CPA6: variants seen among roughly 807,000 people sequenced by gnomAD.
CPA6 encodes the protein carboxypeptidase A6, also known as carboxypeptidase B.
CPA6 carries 58 observed loss-of-function variants against 63.3 expected under a neutral mutation model. The ratio of observed to expected loss-of-function variants is 0.92; its 90% CI spans 0.74 to 1.14. The LOEUF (loss-of-function observed/expected upper bound fraction) is 1.14, where lower values mean the gene tolerates loss of function less well. Ranked by LOEUF, CPA6 falls within the 50% of genes most tolerant of loss-of-function variation. The probability of loss-of-function intolerance (pLI) is 0.00; values close to 1 mark genes in which losing one functional copy is unlikely to be tolerated. For synonymous variants in CPA6, 185 were observed against 179.0 expected (o/e 1.03, Z -0.27); for missense variants, 565 against 526.6 (o/e 1.07, Z -0.71).
At chr8:67,536,193 C>T (rs564506371) in intron 2 of CPA6, among the ~76,000 whole-genome samples, 1 of 152,094 alleles carries the variant, frequency 6.6e-6, no homozygotes, top group Non-Finnish European at 1.5e-5. Context: ...TTTTTTGGTT[C>T]CATATGAAAT....
intron 2 of CPA6, among the ~76,000 whole-genome samples, chr8:67,612,700 A>G (rs977130733): frequency 3.9e-5 from 6 of 152,222 alleles, no homozygotes; most frequent in Non-Finnish European, 8.8e-5. Flanking sequence ...AAAATGGTAG[A>G]AAACAGGAAA....
At chr8:67,502,623 C>T (rs1485697473) in intron 6 of CPA6, among the ~76,000 whole-genome samples, 1 of 152,144 alleles carries the variant, frequency 6.6e-6, no homozygotes, top group Non-Finnish European at 1.5e-5. Context: ...TAGTGCTATA[C>T]ATTTCCCTCT....
chr8:67,434,017 T>A, intron 9 of CPA6, 21 bp downstream of exon 9: 2 of 1,571,398 alleles, frequency 1.3e-6, no homozygotes, highest in Non-Finnish European at 1.7e-6. Flanking sequence ...CTGATGTACA[T>A]GCACAGGGTC....
chr8:67,733,179 A>C (rs1372705126), intron 1 of CPA6, among the ~76,000 whole-genome samples: 2 of 123,684 alleles, frequency 1.6e-5, no homozygotes, highest in Admixed American at 1.9e-4. Context: ...CCTGGGCTAC[A>C]GAGCGAGACT....
intron 1 of CPA6, among the ~76,000 whole-genome samples, chr8:67,633,890 C>T (rs1358418466): frequency 9.0e-6 from 1 of 111,288 alleles, no homozygotes. Context: ...CCTTCTCCCC[C>T]CAAATGTTTT....
At chr8:67,522,936 A>G (rs1268685042) in intron 2 of CPA6, among the ~76,000 whole-genome samples, 1 of 152,250 alleles carries the variant, frequency 6.6e-6, no homozygotes, top group Non-Finnish European at 1.5e-5. Flanking sequence ...CAGTGGCTGC[A>G]GAGATTTCTG....
chr8:67,684,193 T>C (rs1174326280), intron 1 of CPA6, among the ~76,000 whole-genome samples: 1 of 151,654 alleles, frequency 6.6e-6, no homozygotes, highest in East Asian at 1.9e-4. Context: ...TGGCCTCTTT[T>C]TATTCTTAAA....
At chr8:67,729,943 T>A (rs1054121122) in intron 1 of CPA6, among the ~76,000 whole-genome samples, 4 of 152,200 alleles carry the variant, frequency 2.6e-5, no homozygotes, top group Non-Finnish European at 4.4e-5. Context: ...TTGAAACCAG[T>A]GGATGTGATG....
At position 67,509,457 on chromosome 8, in the gene CPA6, T is replaced by G. The variant is rs897736416; in HGVS notation, c.534+60A>C. ...TCATTTCTTTTCCCATAGGTTAAAG[T>G]TGAAAAAGATGGATATTTGGTAAAC... On this transcript the variant is annotated intron_variant, in intron 5 of 10. Transcript: ENST00000297770. 3 of 809,430 alleles carry G rather than the reference T, an allele frequency of 3.7e-6. No individual in the cohort carries two copies. The African/African-American group carries it at 5.3e-5, about 14-fold the overall frequency. 50.1% of individuals were successfully genotyped at this position (809,430 alleles called of 1,614,324 possible).
chr8:67,515,942 A>G (rs1473448747), intron 3 of CPA6, among the ~76,000 whole-genome samples: 1 of 152,120 alleles, frequency 6.6e-6, no homozygotes, highest in Admixed American at 6.5e-5. Context: ...AGACCTTAAT[A>G]TCTTCCCTGA....
At chr8:67,490,190 G>T (rs920295731) in intron 6 of CPA6, among the ~76,000 whole-genome samples, 1 of 151,940 alleles carries the variant, frequency 6.6e-6, no homozygotes, top group Admixed American at 6.6e-5. Flanking sequence ...TTTAGGTAGG[G>T]GTTTCTAAAA....
chr8:67,684,659 G>T (rs1816673979), intron 1 of CPA6, among the ~76,000 whole-genome samples: 1 of 152,108 alleles, frequency 6.6e-6, no homozygotes, highest in Admixed American at 6.5e-5. Context: ...AGAGAAGCGG[G>T]GCTTGCTCAC....
intron 2 of CPA6, among the ~76,000 whole-genome samples, chr8:67,610,107 G>T (rs1814766798): frequency 6.6e-6 from 1 of 152,178 alleles, no homozygotes; most frequent in Non-Finnish European, 1.5e-5. Context: ...AGTCACAGTG[G>T]CTCACACCTG....
At chr8:67,685,227 G>A (rs1816686442) in intron 1 of CPA6, among the ~76,000 whole-genome samples, 1 of 152,162 alleles carries the variant, frequency 6.6e-6, no homozygotes, top group Non-Finnish European at 1.5e-5. Flanking sequence ...AACTCTAAGA[G>A]AATTATTTTC....
At chr8:67,676,261 C>T (rs555978417) in intron 1 of CPA6, among the ~76,000 whole-genome samples, 2 of 152,274 alleles carry the variant, frequency 1.3e-5, no homozygotes, top group South Asian at 2.1e-4. Flanking sequence ...GAGGCAGCTT[C>T]GCATTCACTT....
intron 3 of CPA6, among the ~76,000 whole-genome samples, chr8:67,514,441 G>A (rs990106280): frequency 2.0e-5 from 3 of 152,110 alleles, no homozygotes; most frequent in Admixed American, 2.0e-4. Context: ...CTTGTACAGA[G>A]TAAATGACAA....
At chr8:67,689,443 G>A (rs908654135) in intron 1 of CPA6, among the ~76,000 whole-genome samples, 3 of 152,112 alleles carry the variant, frequency 2.0e-5, no homozygotes, top group African/African-American at 7.2e-5. Context: ...ACACTCCAGT[G>A]GTTCCCAGTG....
chr8:67,677,370 G>A (rs987958063), intron 1 of CPA6, among the ~76,000 whole-genome samples: 4 of 128,456 alleles, frequency 3.1e-5, no homozygotes, highest in African/African-American at 1.2e-4. Context: ...TTATCCTGCT[G>A]CTGGAAAAGG....
chr8:67,485,360 C>T (rs144681306), intron 6 of CPA6, among the ~76,000 whole-genome samples: 1 of 152,268 alleles, frequency 6.6e-6, no homozygotes, highest in Non-Finnish European at 1.5e-5. Context: ...TTTCCCTCCA[C>T]CAAGGTAATC....
Sources: gnomAD v4.1 joint callset for allele counts (sites outside exome capture counted in the v4.1 genomes callset) on GRCh38, gnomAD v4.1.1 for gene constraint, MANE v1.5 for transcripts, NCBI Gene and HGNC (gene_info 2026-07-23, HGNC 2026-07-21) for gene names.